Variants in TAFA4 observed in about 807,000 individuals in gnomAD.
TAFA4 encodes chemokine-like protein TAFA-4.
Under a neutral mutation model 21.1 loss-of-function variants are expected in TAFA4, and 20 were observed. That is an observed-to-expected ratio of 0.95 (90% CI 0.67 to 1.38). TAFA4 has a LOEUF of 1.38. TAFA4 is among the 40% of genes most tolerant of loss of function. TAFA4 has a pLI of 0.00. For missense variants in TAFA4, 211 were observed against 180.9 expected, an observed-to-expected ratio of 1.17 and a Z score of -0.95; for synonymous variants, 71 against 67.4, an observed-to-expected ratio of 1.05 and a Z score of -0.26.
At chr3:68,807,652 T>G (rs1254806529) in intron 3 of TAFA4, among the ~76,000 whole-genome samples, 3 of 152,216 alleles carry the variant, frequency 2.0e-5, no homozygotes, top group African/African-American at 2.4e-5. Context: ...GAATACAAAG[T>G]ATGTTTATAT....
At chr3:68,770,223 T>C (rs537231340) in intron 3 of TAFA4, among the ~76,000 whole-genome samples, 202 of 152,380 alleles carry the variant, frequency 1.3e-3, no homozygotes, top group African/African-American at 4.4e-3. Context: ...TTGTCAAAAA[T>C]ATCTCCCTCC....
intron 3 of TAFA4, among the ~76,000 whole-genome samples, chr3:68,759,369 A>C (rs1702718111): frequency 1.3e-5 from 2 of 152,218 alleles, no homozygotes; most frequent in Admixed American, 1.3e-4. Flanking sequence ...GATAACACAG[A>C]AAAGTAACCA....
intron 3 of TAFA4, among the ~76,000 whole-genome samples, chr3:68,787,094 C>T (rs1703275436): frequency 6.6e-6 from 1 of 152,264 alleles, no homozygotes; most frequent in Non-Finnish European, 1.5e-5. Context: ...TGAAGTTCCA[C>T]AGGAGCCTCA....
intron 3 of TAFA4, among the ~76,000 whole-genome samples, chr3:68,830,560 T>C (rs972163671): frequency 6.6e-5 from 10 of 152,218 alleles, no homozygotes; most frequent in Non-Finnish European, 1.2e-4. Context: ...AGACAGTTTG[T>C]TGTGATTTCT....
At chr3:68,748,667 C>A (rs568951231) in intron 4 of TAFA4, among the ~76,000 whole-genome samples, 1 of 151,838 alleles carries the variant, frequency 6.6e-6, no homozygotes, top group Non-Finnish European at 1.5e-5. Context: ...ACACTTGAAC[C>A]CGGGAGGCAG....
chr3:68,925,056 A>C (rs891748842), intron 1 of TAFA4, among the ~76,000 whole-genome samples: 1 of 152,196 alleles, frequency 6.6e-6, no homozygotes, highest in African/African-American at 2.4e-5. Flanking sequence ...GGCTTGCTTA[A>C]TGGAGTTCCG....
At chr3:68,894,562 T>G (rs1165541904) in intron 1 of TAFA4, among the ~76,000 whole-genome samples, 4 of 152,214 alleles carry the variant, frequency 2.6e-5, no homozygotes, top group Non-Finnish European at 5.9e-5. Flanking sequence ...AGCGCTGGCA[T>G]TATACTGGGA....
intron 3 of TAFA4, among the ~76,000 whole-genome samples, chr3:68,831,912 C>A (rs1704405438): frequency 6.6e-6 from 1 of 152,116 alleles, no homozygotes; most frequent in Non-Finnish European, 1.5e-5. Flanking sequence ...TGTCTTCTCA[C>A]TTTATTTCAT....
At chr3:68,900,662 C>T (rs1374393633) in intron 1 of TAFA4, among the ~76,000 whole-genome samples, 2 of 152,164 alleles carry the variant, frequency 1.3e-5, no homozygotes, top group African/African-American at 4.8e-5. Flanking sequence ...GGGCAAAGAT[C>T]AGGCCTCTTC....
At chr3:68,822,230 A>C (rs1179402520) in intron 3 of TAFA4, among the ~76,000 whole-genome samples, 1 of 152,214 alleles carries the variant, frequency 6.6e-6, no homozygotes, top group Non-Finnish European at 1.5e-5. Context: ...GATGCCTACT[A>C]TGTGCAATGC....
chr3:68,752,885 C>T lies in TAFA4; in HGVS notation c.264G>A (p.Arg88=). 1.2e-6 allele frequency: 2 copies of T among 1,613,970 alleles called. No homozygotes were observed. Among genetic ancestry groups the T allele is most frequent in the Non-Finnish European group, 1.7e-6 (2 of 1,179,992 alleles). The stretch of plus-strand genomic sequence containing the variant: ...TACCTTCAACACAAGAAGGTTGAGC[C>T]CGAGTTGTGCCCGCCACCTGTCCCG... ...CFPGQVAGTT[R]AQPSCVEASI... Residue 88 remains arginine (R), a synonymous_variant, in exon 4 of 6, where the codon CGG becomes CGA. Transcript: ENST00000295569.
chr3:68,753,382 T>C (rs1348127170), intron 3 of TAFA4, among the ~76,000 whole-genome samples: 1 of 145,240 alleles, frequency 6.9e-6, no homozygotes, highest in Non-Finnish European at 1.5e-5. Context: ...GTCACTGAGA[T>C]TGGAGTGCAG....
intron 3 of TAFA4, among the ~76,000 whole-genome samples, chr3:68,784,458 G>A (rs1703212168): frequency 6.6e-6 from 1 of 152,020 alleles, no homozygotes; most frequent in Non-Finnish European, 1.5e-5. Context: ...GGGTAAAGCT[G>A]GCTCAGGAGT....
chr3:68,838,692 T>C (rs1704581473), intron 3 of TAFA4, among the ~76,000 whole-genome samples: 1 of 152,212 alleles, frequency 6.6e-6, no homozygotes, highest in Non-Finnish European at 1.5e-5. Flanking sequence ...AAAATCATTC[T>C]TCATTCTCAG....
At chr3:68,764,463 G>A (rs1456439072) in intron 3 of TAFA4, among the ~76,000 whole-genome samples, 4 of 152,148 alleles carry the variant, frequency 2.6e-5, no homozygotes, top group Non-Finnish European at 5.9e-5. Context: ...CTGTCACTTA[G>A]TAATTATAAC....
chr3:68,791,923 C>A (rs1703367824), intron 3 of TAFA4, among the ~76,000 whole-genome samples: 1 of 152,142 alleles, frequency 6.6e-6, no homozygotes, highest in African/African-American at 2.4e-5. Flanking sequence ...GGCCCACAGG[C>A]CACCAGTTTA....
intron 3 of TAFA4, among the ~76,000 whole-genome samples, chr3:68,854,631 A>G (rs1312343396): frequency 1.3e-5 from 2 of 151,524 alleles, no homozygotes; most frequent in Non-Finnish European, 2.9e-5. Context: ...GAGTGGCCTT[A>G]GCCTCTCATT....
chr3:68,847,004 AG>A (rs1470598919), intron 3 of TAFA4, among the ~76,000 whole-genome samples: 1 of 152,168 alleles, frequency 6.6e-6, no homozygotes, highest in Non-Finnish European at 1.5e-5. Flanking sequence ...TCAGGGACCC[AG>A]TTGAGGAGGC....
chr3:68,801,659 C>T (rs1703581556), intron 3 of TAFA4, among the ~76,000 whole-genome samples: 1 of 152,180 alleles, frequency 6.6e-6, no homozygotes, highest in African/African-American at 2.4e-5. Context: ...TGAACCTTTT[C>T]TTAAAAGACC....
Sources: allele counts gnomAD v4.1 joint callset (sites outside exome capture counted in the v4.1 genomes callset), GRCh38; gene constraint gnomAD v4.1.1; transcripts MANE v1.5; gene names NCBI Gene and HGNC (gene_info 2026-07-23, HGNC 2026-07-21).